MAP4K4: variants seen among roughly 807,000 people sequenced by gnomAD.
MAP4K4 encodes HPK/GCK-like kinase HGK.
MAP4K4 carries 38 observed loss-of-function variants against 189.6 expected under a neutral mutation model. The ratio of observed to expected loss-of-function variants is 0.20; its 90% CI spans 0.15 to 0.26. The LOEUF (loss-of-function observed/expected upper bound fraction) is 0.26. Among genes scored for constraint, MAP4K4 ranks in the 10% least tolerant of loss-of-function variants. The probability of loss-of-function intolerance (pLI) is 1.00; values close to 1 mark genes in which losing one functional copy is unlikely to be tolerated. For missense variants in MAP4K4, 1,054 were observed against 1,726.9 expected (o/e 0.61, Z 6.91); for synonymous variants, 610 against 624.3 (o/e 0.98, Z 0.34).
At chr2:101,752,224 A>G (rs1239784063) in intron 2 of MAP4K4, among the ~76,000 whole-genome samples, 1 of 152,218 alleles carries the variant, frequency 6.6e-6, no homozygotes, top group Non-Finnish European at 1.5e-5. Context: ...CCAAGGGTAA[A>G]TGAAGTCACA....
At chr2:101,825,226 A>T in intron 4 of MAP4K4, 93 bp from the exon 5 acceptor site, 1 of 670,104 alleles carries the variant, frequency 1.5e-6, no homozygotes, top group South Asian at 1.9e-5. Flanking sequence ...TCACGTTTCT[A>T]GGTCTTTAGA....
At chr2:101,784,650 C>A (rs1575497125) in intron 2 of MAP4K4, among the ~76,000 whole-genome samples, 1 of 152,096 alleles carries the variant, frequency 6.6e-6, no homozygotes, top group East Asian at 1.9e-4. Flanking sequence ...TAAACAATTC[C>A]TGTGGGATGT....
chr2:101,794,436 T>G (rs1257707827), intron 3 of MAP4K4, among the ~76,000 whole-genome samples: 1 of 152,242 alleles, frequency 6.6e-6, no homozygotes, highest in Admixed American at 6.5e-5. Flanking sequence ...ATTTTAATAG[T>G]GTCCCCTAAC....
At chr2:101,750,331 T>TA (rs1184736633) in intron 2 of MAP4K4, among the ~76,000 whole-genome samples, 1 of 129,990 alleles carries the variant, frequency 7.7e-6, no homozygotes, top group African/African-American at 3.0e-5. Context: ...TATGCAGCCA[T>TA]AAAAAATGAT....
chr2:101,827,444 G>T (rs961640515), intron 5 of MAP4K4, among the ~76,000 whole-genome samples: 8 of 152,188 alleles, frequency 5.3e-5, no homozygotes, highest in Admixed American at 4.6e-4. Flanking sequence ...TGATAAACTG[G>T]AGGTAAGGTC....
At chr2:101,759,848 C>G (rs1177944986) in intron 2 of MAP4K4, among the ~76,000 whole-genome samples, 2 of 143,378 alleles carry the variant, frequency 1.4e-5, no homozygotes, top group Non-Finnish European at 3.0e-5. Context: ...CCCTTTCCAT[C>G]CGTCTCCTCT....
At chr2:101,733,942 A>T (rs2059445053) in intron 2 of MAP4K4, among the ~76,000 whole-genome samples, 1 of 152,216 alleles carries the variant, frequency 6.6e-6, no homozygotes, top group South Asian at 2.1e-4. Context: ...TGGCCACAGC[A>T]GTCCTGACCT....
chr2:101,709,758 A>G (rs892822192), intron 2 of MAP4K4, among the ~76,000 whole-genome samples: 2 of 152,208 alleles, frequency 1.3e-5, no homozygotes, highest in Non-Finnish European at 1.5e-5. Context: ...ATCTTTGGTC[A>G]GAAGGATGTA....
At chr2:101,882,206 A>G (rs1287155777) in intron 27 of MAP4K4, among the ~76,000 whole-genome samples, 1 of 152,216 alleles carries the variant, frequency 6.6e-6, no homozygotes, top group Non-Finnish European at 1.5e-5. Flanking sequence ...TAGGTGTATG[A>G]AATCATCTTA....
intron 2 of MAP4K4, among the ~76,000 whole-genome samples, chr2:101,732,462 A>G (rs1163214202): frequency 2.0e-5 from 3 of 152,024 alleles, no homozygotes; most frequent in Admixed American, 2.0e-4. Flanking sequence ...ACCCGGTTTC[A>G]TTCCCCGCTC....
At chr2:101,809,890 C>A (rs2149126257) in intron 3 of MAP4K4, among the ~76,000 whole-genome samples, 1 of 152,306 alleles carries the variant, frequency 6.6e-6, no homozygotes, top group Middle Eastern at 3.4e-3. Context: ...CTCTCTCCTG[C>A]AACTGTATGT....
At chr2:101,892,117 G>C (rs1241448960) in exon 33 of MAP4K4, 3 of 145,366 alleles carry the variant, frequency 2.1e-5, no homozygotes, top group Non-Finnish European at 4.5e-5. Context: ...TTTAATTTTT[G>C]TTTAAACCTA....
chr2:101,885,435 T>A (rs573227238), intron 29 of MAP4K4, 148 bp downstream of exon 29: 1 of 512,214 alleles, frequency 2.0e-6, no homozygotes, highest in African/African-American at 1.9e-5. Context: ...ATAAACCATT[T>A]CTAATGTAAT....
intron 32 of MAP4K4, among the ~76,000 whole-genome samples, chr2:101,890,125 A>C (rs2098544194): frequency 6.6e-6 from 1 of 152,260 alleles, no homozygotes; most frequent in Non-Finnish European, 1.5e-5. Flanking sequence ...AAGATTTATT[A>C]ATAAATGGCA....
At chr2:101,721,689 C>T (rs916238582) in intron 2 of MAP4K4, among the ~76,000 whole-genome samples, 13 of 152,176 alleles carry the variant, frequency 8.5e-5, no homozygotes, top group African/African-American at 3.1e-4. Flanking sequence ...CCCACCTCGG[C>T]CACCCAAAGT....
chr2:101,750,409 A>G (rs1254539166), intron 2 of MAP4K4, among the ~76,000 whole-genome samples: 1 of 145,850 alleles, frequency 6.9e-6, no homozygotes, highest in Non-Finnish European at 1.5e-5. Flanking sequence ...CTATCGCAAG[A>G]ACAAAAAACC....
At chr2:101,872,407 C>G (rs987436275) in intron 24 of MAP4K4, among the ~76,000 whole-genome samples, 1 of 152,046 alleles carries the variant, frequency 6.6e-6, no homozygotes, top group East Asian at 1.9e-4. Context: ...TTGTGGTGCT[C>G]GGTCTGGGTG....
intron 2 of MAP4K4, among the ~76,000 whole-genome samples, chr2:101,741,052 A>G (rs1007834643): frequency 2.0e-5 from 3 of 152,130 alleles, no homozygotes; most frequent in Non-Finnish European, 4.4e-5. Flanking sequence ...AGTGGATCTG[A>G]GAATCAAATT....
chr2:101,870,589 C>T (rs2097963065), intron 23 of MAP4K4, 174 bp downstream of exon 23: 2 of 776,178 alleles, frequency 2.6e-6, no homozygotes, highest in Middle Eastern at 3.9e-4. Context: ...TACTGCATGC[C>T]CAGAAGGTAG....
Sources: allele counts gnomAD v4.1 joint callset (sites outside exome capture counted in the v4.1 genomes callset), GRCh38; gene constraint gnomAD v4.1.1; transcripts MANE v1.5; gene names NCBI Gene and HGNC (gene_info 2026-07-23, HGNC 2026-07-21).